Variants in LRRC27 observed in about 807,000 individuals in gnomAD.
LRRC27 encodes leucine rich repeat containing 27, also known as leucine-rich repeat-containing protein 27.
Under a neutral mutation model 55.0 loss-of-function variants are expected in LRRC27, and 57 were observed. The ratio of observed to expected loss-of-function variants is 1.04; its 90% CI spans 0.84 to 1.29. The LOEUF is 1.29. Among genes scored for constraint, LRRC27 ranks in the 50% most tolerant of loss-of-function variants. The pLI is 0.00. For synonymous variants in LRRC27, 278 were observed against 251.9 expected, an observed-to-expected ratio of 1.10 and a Z score of -0.98; for missense variants, 721 against 651.5, an observed-to-expected ratio of 1.11 and a Z score of -1.16.
Position 132,369,138 on chromosome 10 carries a change from C to T in LRRC27, c.1416+3588C>T, listed in dbSNP as rs377061112. On this transcript the variant is annotated intron_variant, in intron 10 of 10. Coordinates refer to ENST00000368614, the MANE Select transcript of LRRC27 (RefSeq NM_030626.3). ...ACTCACCACCAAATGCTGGTGAGGA[C>T]GTGGAGCAACAGGAACACTCATTAA... 5.3e-5 allele frequency among the ~76,000 whole-genome samples: 8 copies of T among 152,178 alleles called. No individual in the cohort carries two copies. In the East Asian group the frequency reaches 5.8e-4, roughly 11 times the overall value.
chr10:132,361,343 C>A, intron 8 of LRRC27, 114 bp from the exon 9 acceptor site: 1 of 909,448 alleles, frequency 1.1e-6, no homozygotes, highest in Non-Finnish European at 1.8e-6. Context: ...CCGGGGCGGC[C>A]TCGGACCCAC....
intron 9 of LRRC27, among the ~76,000 whole-genome samples, chr10:132,363,348 C>T (rs1223395068): frequency 6.6e-6 from 1 of 152,216 alleles, no homozygotes; most frequent in African/African-American, 2.4e-5. Context: ...GCTTCTATAG[C>T]TGGGTTAGTG....
chr10:132,365,679 G>T, intron 10 of LRRC27, 129 bp downstream of exon 10: 4 of 1,166,940 alleles, frequency 3.4e-6, no homozygotes, highest in Non-Finnish European at 4.7e-6. Flanking sequence ...TCGGCTCCCT[G>T]CAGCCTCCAC....
Position 132,348,631 on chromosome 10 carries a change from G to C in LRRC27, c.926+275G>C, listed in dbSNP as rs1455775033. On this transcript the variant is annotated intron_variant, in intron 6 of 10. Transcript: ENST00000368614. This position sits in a 1 kb window ranked among gnomAD's most constrained non-coding sequence, Gnocchi z 4.2. ...GACATAAGCGACAGTGAGATCTGTG[G>C]CCTGTGCTTTCTCCAGAGAGAGCTT... 6.6e-6 allele frequency among the ~76,000 whole-genome samples: 1 copy of C among 152,218 alleles called. No individual in the cohort carries two copies. Among genetic ancestry groups the C allele is most frequent in the Non-Finnish European group, 1.5e-5 (1 of 68,048 alleles).
At chr10:132,363,522 C>T (rs747179799) in intron 9 of LRRC27, among the ~76,000 whole-genome samples, 7 of 152,194 alleles carry the variant, frequency 4.6e-5, no homozygotes, top group South Asian at 2.1e-4. Context: ...ACCTCCCAGG[C>T]GTCCTGGGAA....
In LRRC27 at chr10:132,337,636, T is replaced by C; in HGVS notation, c.282T>C (p.Thr94=). ...QDFFQLLPNL[T]WLDLRYNRIK... ...TCTTTCAGTTGCTTCCGAACCTGAC[T>C]TGGCTGGACCTCCGGTACAATAGAA... Residue 94 remains threonine, a synonymous_variant, in exon 3 of 11, where the codon ACT becomes ACC. Coordinates refer to ENST00000368614, the MANE Select transcript of LRRC27 (RefSeq NM_030626.3). 6.2e-7 allele frequency: 1 copy of C among 1,614,230 alleles called. No homozygotes were observed. Among genetic ancestry groups the C allele is most frequent in the Non-Finnish European group, 8.5e-7 (1 of 1,180,032 alleles).
chr10:132,348,298 A>G lies in LRRC27; in HGVS notation c.868A>G (p.Asn290Asp). 1 of 1,614,078 alleles carries G rather than the reference A, an allele frequency of 6.2e-7. No individual in the cohort carries two copies. The highest frequency in any genetic ancestry group is 1.3e-5 in the African/African-American group (1 of 75,052). The stretch of plus-strand genomic sequence containing the variant: ...GCTCTTGACGAGGGAATTACCTCCA[A>G]ATCTCAAGGCGGCCTTGAACATTGA... ...DQLLTRELPP[N>D]LKAALNIEKE... The change falls in exon 6 of 11, where the codon AAT becomes GAT. Residue 290 changes from asparagine (N) to aspartate (D), a missense_variant. By Grantham distance (23) the Asn-to-Asp change is conservative. Transcript: ENST00000368614. This position sits in a 1 kb window ranked among gnomAD's most constrained non-coding sequence, Gnocchi z 4.2.
Position 132,374,234 on chromosome 10 carries a change from T to G in LRRC27, c.1417-832T>G, listed in dbSNP as rs886587305. Among the ~76,000 whole-genome samples, 5 of 144,820 alleles carry G rather than the reference T, an allele frequency of 3.5e-5. No homozygotes were observed. The highest frequency in any genetic ancestry group is 2.2e-4 in the South Asian group (1 of 4,472). On this transcript the variant is annotated intron_variant, in intron 10 of 10. Transcript: ENST00000368614. This position sits in a 1 kb window ranked among gnomAD's most constrained non-coding sequence, Gnocchi z 4.4. Reference sequence around the variant, plus strand: ...GCTCCAGGGACCTGCTGTGATTATGTCTGTATGGGGCGGGGAGGCTGCAGG... The same window carrying G: ...GCTCCAGGGACCTGCTGTGATTATGGCTGTATGGGGCGGGGAGGCTGCAGG...
Position 132,361,445 on chromosome 10 carries a change from G to A in LRRC27, c.1171-12G>A, listed in dbSNP as rs375802735. ...CTGGGATTCCAGAAATCATCTTGTT[G>A]CATTTTCCTAGGTGGCATCAAAGAT... On this transcript the variant is annotated splice_polypyrimidine_tract_variant and intron_variant, in intron 8 of 10. Transcript: ENST00000368614. The A allele has an allele frequency of 9.1e-5, 145 of 1,585,158 alleles. No homozygotes were observed. Among genetic ancestry groups the A allele is most frequent in the Non-Finnish European group, 1.2e-4 (141 of 1,154,026 alleles).
intron 5 of LRRC27, among the ~76,000 whole-genome samples, chr10:132,347,682 G>A (rs562466773): frequency 3.3e-5 from 5 of 150,490 alleles, no homozygotes; most frequent in South Asian, 2.1e-4. Flanking sequence ...AGGTGCGCCC[G>A]GTGGTGCCTG....
In LRRC27 at chr10:132,344,524, A is replaced by G. The variant is rs115795945; in HGVS notation, c.427A>G (p.Asn143Asp). 5.3e-5 allele frequency: 86 copies of G among 1,613,990 alleles called. No homozygotes were observed. The African/African-American group carries it at 1.1e-3, about 20-fold the overall frequency. Residue 143 changes from asparagine (N) to aspartate (D), a missense_variant, in exon 5 of 11, where the codon AAC becomes GAC. Coordinates refer to ENST00000368614, the MANE Select transcript of LRRC27 (RefSeq NM_030626.3). ...LGSVTTLKAL[N>D]LRHCPLEFPP... ...GAGCGTAACCACGCTGAAAGCACTGAACCTAAGACACTGCCCTCTGGAATT... is the reference window on the plus strand; with the variant it reads ...GAGCGTAACCACGCTGAAAGCACTGGACCTAAGACACTGCCCTCTGGAATT...
rs373177075 is a variant in LRRC27, at chr10:132,361,439, C to T, written c.1171-18C>T. 7 of 1,567,346 alleles carry T rather than the reference C, an allele frequency of 4.5e-6. No homozygotes were observed. Among genetic ancestry groups the T allele is most frequent in the African/African-American group, 2.7e-5 (2 of 74,052 alleles). On this transcript the variant is annotated intron_variant, in intron 8 of 10. Coordinates refer to ENST00000368614, the MANE Select transcript of LRRC27 (RefSeq NM_030626.3). ...CATCTACTGGGATTCCAGAAATCAT[C>T]TTGTTGCATTTTCCTAGGTGGCATC...
At chr10:132,369,555 A>G (rs147987080) in intron 10 of LRRC27, among the ~76,000 whole-genome samples, 1 of 147,874 alleles carries the variant, frequency 6.8e-6, no homozygotes, top group East Asian at 1.9e-4. Context: ...TAGGATATTG[A>G]GGGGTGAATC....
rs957196186 is a variant in LRRC27, at chr10:132,376,681, C to A, written c.*1439C>A. On this transcript the variant is annotated 3_prime_UTR_variant, in exon 11 of 11. Coordinates refer to ENST00000368614, the MANE Select transcript of LRRC27 (RefSeq NM_030626.3). Reference sequence around the variant, plus strand: ...CCAGTCCTTTGAAACTGTGAAGCCTCGCCCCGCGGCCTGCCGCAGGATATG... The same window carrying A: ...CCAGTCCTTTGAAACTGTGAAGCCTAGCCCCGCGGCCTGCCGCAGGATATG... 1 of 152,312 alleles carries A rather than the reference C, an allele frequency of 6.6e-6. No homozygotes were observed. The highest frequency in any genetic ancestry group is 6.5e-5 in the Admixed American group (1 of 15,292). The allele number at this position is 152,312 out of a possible 1,614,324, so 9.4% of individuals were successfully genotyped here.
At chr10:132,343,294 A>C (rs886315343) in intron 4 of LRRC27, among the ~76,000 whole-genome samples, 1 of 152,222 alleles carries the variant, frequency 6.6e-6, no homozygotes, top group Non-Finnish European at 1.5e-5. Flanking sequence ...CAACCTGGAC[A>C]ACAGGGCGAG....
intron 10 of LRRC27, 65 bp from the exon 11 acceptor site, chr10:132,375,001 A>G: frequency 6.7e-7 from 1 of 1,495,894 alleles, no homozygotes; most frequent in South Asian, 1.2e-5. Context: ...TCTGAGCCAG[A>G]GACGTGGTGA....
chr10:132,339,420 G>A (rs1026178492), intron 3 of LRRC27, among the ~76,000 whole-genome samples: 2 of 152,342 alleles, frequency 1.3e-5, no homozygotes, highest in South Asian at 2.1e-4. Flanking sequence ...GGTGGTGTCC[G>A]GAGCAGGTGG....
At chr10:132,346,298 C>G (rs1049185805) in intron 5 of LRRC27, among the ~76,000 whole-genome samples, 12 of 126,674 alleles carry the variant, frequency 9.5e-5, no homozygotes, top group Non-Finnish European at 1.4e-4. Flanking sequence ...TTTTCTGACT[C>G]TTTTCTATTA....
rs1310712391 is a variant in LRRC27, at chr10:132,376,277, T to A, written c.*1035T>A. Reference sequence around the variant, plus strand: ...TTCACTGGATTTGCTGTTTGTCTTCTGTCTCATGGGTCTCTGCGCCCTGCA... The same window carrying A: ...TTCACTGGATTTGCTGTTTGTCTTCAGTCTCATGGGTCTCTGCGCCCTGCA... On this transcript the variant is annotated 3_prime_UTR_variant, in exon 11 of 11. Transcript: ENST00000368614. The A allele has an allele frequency of 6.6e-6, 1 of 152,270 alleles. No individual in the cohort carries two copies. The highest frequency in any genetic ancestry group is 1.5e-5 in the Non-Finnish European group (1 of 68,042). 9.4% of individuals were successfully genotyped at this position (152,270 alleles called of 1,614,324 possible).
Sources: gnomAD v4.1 joint callset for allele counts (sites outside exome capture counted in the v4.1 genomes callset) on GRCh38, gnomAD v4.1.1 for gene constraint, Gnocchi (gnomAD v3.1) non-coding constraint, MANE v1.5 for transcripts, NCBI Gene and HGNC (gene_info 2026-07-23, HGNC 2026-07-21) for gene names.